The following PCDH15 variants were observed in gnomAD, a reference collection of about 807,000 sequenced individuals.
PCDH15 encodes protocadherin related 15.
Under a neutral mutation model 178.5 loss-of-function variants are expected in PCDH15, and 129 were observed. The ratio of observed to expected loss-of-function variants is 0.72; its 90% CI spans 0.63 to 0.84. PCDH15 has a LOEUF of 0.84. PCDH15 is among the 40% of genes least tolerant of loss of function. The probability of loss-of-function intolerance (pLI) is 0.00; values close to 1 mark genes in which losing one functional copy is unlikely to be tolerated. For synonymous variants in PCDH15, 800 were observed against 732.0 expected, an observed-to-expected ratio of 1.09 and a Z score of -1.50; for missense variants, 2,230 against 2,099.9, an observed-to-expected ratio of 1.06 and a Z score of -1.21.
chr10:55,415,956 TA>T lies in PCDH15; in HGVS notation c.-156+211668del, dbSNP rs140115833. Among the ~76,000 whole-genome samples, 640 of 151,670 alleles carry T rather than the reference TA, an allele frequency of 4.2e-3. 9 individuals carry two copies. The highest frequency in any genetic ancestry group is 0.015 in the African/African-American group (613 of 41,456). On this transcript the variant is annotated intron_variant, in intron 2 of 5. Coordinates refer to the PCDH15 transcript ENST00000613346. The stretch of plus-strand genomic sequence containing the variant: ...TTTTTCTCAAATTTGCTTTTGTCGA[TA>T]GCAAATTTCAAGTTTCAAAAACAGG...
intron 2 of PCDH15, among the ~76,000 whole-genome samples, chr10:55,048,443 T>C (rs895027029): frequency 2.0e-5 from 3 of 151,914 alleles, no homozygotes; most frequent in Admixed American, 1.3e-4. Flanking sequence ...GGTTGATAGA[T>C]AAAATAATTA....
chr10:54,499,044 C>A, intron 3 of PCDH15, among the ~76,000 whole-genome samples: 1 of 152,104 alleles, frequency 6.6e-6, no homozygotes, highest in Admixed American at 6.6e-5. Flanking sequence ...AATCACCTTC[C>A]ACCAGGCCCC....
At chr10:55,037,495 G>T (rs1026627274) in intron 2 of PCDH15, among the ~76,000 whole-genome samples, 2 of 152,132 alleles carry the variant, frequency 1.3e-5, no homozygotes, top group African/African-American at 4.8e-5. Flanking sequence ...GACTCCCAAA[G>T]TGTTGAGATT....
chr10:54,659,598 C>T (rs1026941888), intron 2 of PCDH15, among the ~76,000 whole-genome samples: 8 of 151,750 alleles, frequency 5.3e-5, no homozygotes, highest in Middle Eastern at 3.4e-3. Flanking sequence ...ATTAAAAATA[C>T]AAAAATTAGC....
At chr10:55,490,921 AAGAT>A in intron 2 of PCDH15, among the ~76,000 whole-genome samples, 1 of 151,832 alleles carries the variant, frequency 6.6e-6, no homozygotes, top group Non-Finnish European at 1.5e-5. Flanking sequence ...CAGAGGAAGA[AAGAT>A]AAGAACAATT....
chr10:53,875,698 T>G (rs975640627), intron 26 of PCDH15, among the ~76,000 whole-genome samples: 1 of 152,128 alleles, frequency 6.6e-6, no homozygotes, highest in East Asian at 1.9e-4. Flanking sequence ...TAATTATATT[T>G]TAAGTGAAAG....
At chr10:54,883,669 C>A (rs1290593978) in intron 3 of PCDH15, among the ~76,000 whole-genome samples, 1 of 151,798 alleles carries the variant, frequency 6.6e-6, no homozygotes, top group Non-Finnish European at 1.5e-5. Flanking sequence ...TGCTATCAAA[C>A]TTCATTACAC....
chr10:53,963,105 A>G (rs1393136167), intron 21 of PCDH15, among the ~76,000 whole-genome samples: 1 of 152,154 alleles, frequency 6.6e-6, no homozygotes, highest in Admixed American at 6.5e-5. Context: ...TGGACTTGAC[A>G]CTTTGGTGTA....
chr10:55,280,537 C>T (rs528915859), intron 1 of PCDH15, among the ~76,000 whole-genome samples: 2 of 150,614 alleles, frequency 1.3e-5, no homozygotes, highest in Admixed American at 6.6e-5. Context: ...GATCCACCCC[C>T]CTCGGCCTCC....
chr10:54,124,515 T>G (rs957508929), intron 15 of PCDH15, among the ~76,000 whole-genome samples: 1 of 152,176 alleles, frequency 6.6e-6, no homozygotes, highest in East Asian at 1.9e-4. Context: ...ATAAAAGATA[T>G]GTAGGAATTT....
At chr10:54,674,675 T>C (rs549108521) in intron 1 of PCDH15, among the ~76,000 whole-genome samples, 1 of 152,248 alleles carries the variant, frequency 6.6e-6, no homozygotes, top group African/African-American at 2.4e-5. Context: ...AGCCCTTCAT[T>C]TATGACACAA....
intron 2 of PCDH15, among the ~76,000 whole-genome samples, chr10:55,612,220 T>C (rs1564483140): frequency 6.6e-6 from 1 of 152,092 alleles, no homozygotes; most frequent in South Asian, 2.1e-4. Flanking sequence ...AGTTGAAAGA[T>C]ATGTTAATTC....
chr10:55,619,858 A>G (rs1843555066), intron 2 of PCDH15, among the ~76,000 whole-genome samples: 1 of 152,072 alleles, frequency 6.6e-6, no homozygotes, highest in Non-Finnish European at 1.5e-5. Flanking sequence ...TTTGAAGCTC[A>G]TTAAAGTAAG....
chr10:54,737,790 C>T (rs555749486), intron 1 of PCDH15, among the ~76,000 whole-genome samples: 1 of 152,154 alleles, frequency 6.6e-6, no homozygotes, highest in East Asian at 1.9e-4. Flanking sequence ...GAGTTAGGCA[C>T]CTCTCCAGTT....
At chr10:55,131,951 C>T (rs901193019) in intron 2 of PCDH15, among the ~76,000 whole-genome samples, 1 of 152,126 alleles carries the variant, frequency 6.6e-6, no homozygotes, top group African/African-American at 2.4e-5. Context: ...ACCCCTTTCC[C>T]CCCAGGAGCC....
At chr10:53,939,239 A>T (rs1431200491) in intron 24 of PCDH15, among the ~76,000 whole-genome samples, 1 of 152,114 alleles carries the variant, frequency 6.6e-6, no homozygotes, top group Non-Finnish European at 1.5e-5. Context: ...CATTTGGGAA[A>T]CACTGAATAA....
intron 2 of PCDH15, among the ~76,000 whole-genome samples, chr10:55,518,016 T>C (rs922591116): frequency 2.6e-5 from 4 of 152,122 alleles, no homozygotes; most frequent in Non-Finnish European, 5.9e-5. Context: ...AACTGAAGGC[T>C]GAGAGACAGG....
At chr10:54,292,646 C>T (rs1357063188) in intron 8 of PCDH15, among the ~76,000 whole-genome samples, 1 of 152,070 alleles carries the variant, frequency 6.6e-6, no homozygotes, top group Non-Finnish European at 1.5e-5. Flanking sequence ...AATCAATGTG[C>T]AAAAATCACA....
At chr10:55,134,102 G>A (rs1474765362) in intron 2 of PCDH15, among the ~76,000 whole-genome samples, 1 of 152,044 alleles carries the variant, frequency 6.6e-6, no homozygotes, top group Non-Finnish European at 1.5e-5. Flanking sequence ...TTAATGGCCT[G>A]TAAGTCCCCA....
Sources: gnomAD v4.1 joint callset for allele counts (sites outside exome capture counted in the v4.1 genomes callset) on GRCh38, gnomAD v4.1.1 for gene constraint, MANE v1.5 for transcripts, NCBI Gene and HGNC (gene_info 2026-07-23, HGNC 2026-07-21) for gene names.